The following C20orf96 variants were observed in gnomAD, a reference collection of about 807,000 sequenced individuals.
C20orf96 encodes chromosome 20 open reading frame 96, also known as uncharacterized protein C20orf96.
In C20orf96, 57 loss-of-function variants were observed where a neutral mutation model predicts 52.6. That is an observed-to-expected ratio of 1.08 (90% confidence interval 0.88 to 1.35). The LOEUF (loss-of-function observed/expected upper bound fraction) is 1.35, where lower values mean the gene tolerates loss of function less well. Among genes scored for constraint, C20orf96 ranks in the 40% most tolerant of loss-of-function variants. The pLI is 0.00. For missense variants in C20orf96, 478 were observed against 443.6 expected (o/e 1.08, Z -0.70); for synonymous variants, 168 against 157.2 (o/e 1.07, Z -0.51).
At chr20:283,845 C>A (rs911938163) in intron 4 of C20orf96, 118 bp downstream of exon 4, 1 of 738,630 alleles carries the variant, frequency 1.4e-6, no homozygotes, top group Non-Finnish European at 2.4e-6. Flanking sequence ...TCACACAGTT[C>A]CTGTGAGGAA....
At chr20:281,635 C>A (rs1674286179) in intron 4 of C20orf96, among the ~76,000 whole-genome samples, 1 of 152,208 alleles carries the variant, frequency 6.6e-6, no homozygotes, top group Admixed American at 6.5e-5. Flanking sequence ...CAGCACATCA[C>A]CCTCACAGCA....
At chr20:271,449 C>CAG (rs2011837005) in intron 10 of C20orf96, among the ~76,000 whole-genome samples, 182 bp from the exon 11 acceptor site, 2 of 68,160 alleles carry the variant, frequency 2.9e-5, no homozygotes, top group African/African-American at 1.9e-4. Flanking sequence ...AGCATACACA[C>CAG]ACACACACAC....
chr20:276,246 G>A (rs2012020409), intron 9 of C20orf96, 160 bp from the exon 10 acceptor site: 13 of 985,314 alleles, frequency 1.3e-5, no homozygotes, highest in South Asian at 4.7e-5. Context: ...CCCCATGCAA[G>A]GTGCGGCTGG....
intron 9 of C20orf96, 112 bp downstream of exon 9, chr20:276,681 C>G (rs2012034778): frequency 6.6e-7 from 1 of 1,510,436 alleles, no homozygotes; most frequent in South Asian, 1.3e-5. Context: ...ACACCAGAGT[C>G]AGAGACCTCC....
chr20:279,992 GC>G (rs1039813510), intron 4 of C20orf96, among the ~76,000 whole-genome samples: 2 of 151,824 alleles, frequency 1.3e-5, no homozygotes, highest in African/African-American at 2.4e-5. Flanking sequence ...AATAATAAAC[GC>G]CCCAGGTAGG....
rs1173221478 is a variant in C20orf96, at chr20:273,986, CAG to C, written c.1031+1980_1031+1981del. Among the ~76,000 whole-genome samples the C allele has an allele frequency of 2.9e-3, 364 of 125,712 alleles. 2 individuals are homozygous for C. The highest frequency in any genetic ancestry group is 0.01 in the African/African-American group (341 of 32,578). 82.5% of individuals were successfully genotyped at this position (125,712 alleles called of 152,430 possible). ...AAGAAAAAGAAAGAAAAGAGAAAGA[CAG>C]AGAGAGAAAGAAAGAAAGAAAAAGA... On this transcript the variant is annotated intron_variant, in intron 10 of 10. Coordinates refer to ENST00000360321, the MANE Select transcript of C20orf96 (RefSeq NM_153269.3).
intron 5 of C20orf96, among the ~76,000 whole-genome samples, chr20:278,841 G>C (rs1208510057): frequency 7.2e-6 from 1 of 138,896 alleles, no homozygotes; most frequent in Non-Finnish European, 1.5e-5. Context: ...CCAGGTGAGG[G>C]GAGTGAAGGG....
At chr20:277,734 G>A (rs1203088797) in intron 6 of C20orf96, among the ~76,000 whole-genome samples, 2 of 152,160 alleles carry the variant, frequency 1.3e-5, no homozygotes, top group African/African-American at 4.8e-5. Context: ...CAGGCAGATG[G>A]GGTGACAGTG....
At chr20:281,901 A>C (rs2012264223) in intron 4 of C20orf96, among the ~76,000 whole-genome samples, 1 of 152,180 alleles carries the variant, frequency 6.6e-6, no homozygotes, top group Non-Finnish European at 1.5e-5. Context: ...CGGAAGGTCC[A>C]GGCTGCAGTG....
rs1265706636 is a variant in C20orf96, at chr20:279,120, GA to G, written c.465+51del. 137 of 1,118,014 alleles carry G rather than the reference GA, an allele frequency of 1.2e-4. 6 individuals are homozygous for G. The African/African-American group carries it at 2.7e-3, about 22-fold the overall frequency. 69.3% of individuals were successfully genotyped at this position (1,118,014 alleles called of 1,614,324 possible). ...GGAGGGACGGAGGGAGGGAGGGAGG[GA>G]CGGAGGTTGGGACGGAGGGACGGAG... On this transcript the variant is annotated intron_variant, in intron 5 of 10. Transcript: ENST00000360321.
rs111974494 is a variant in C20orf96, at chr20:280,275, T to C, written c.307-945A>G. ...AGGTGCATAAAACCTACAGTAACAA[T>C]AACAACAACAATTGTACTCCCCTAA... On this transcript the variant is annotated intron_variant, in intron 4 of 10. Transcript: ENST00000360321. 5.4e-3 allele frequency among the ~76,000 whole-genome samples: 608 copies of C among 112,712 alleles called. 10 individuals are homozygous for C. Among genetic ancestry groups the C allele is most frequent in the Middle Eastern group, 0.015 (3 of 206 alleles). The allele number at this position is 112,712 out of a possible 152,430, so 73.9% of individuals were successfully genotyped here. A position where few individuals can be genotyped will look rare whatever the true frequency, so the allele number is the denominator to read the frequency against.
Position 277,068 on chromosome 20 carries a change from T to C in C20orf96, c.801A>G (p.Lys267=), listed in dbSNP as rs1033292143. Residue 267 remains lysine (K), a synonymous_variant, in exon 8 of 11, where the codon AAA becomes AAG. Transcript: ENST00000360321. The stretch of plus-strand genomic sequence containing the variant: ...CCGCCACCACAGAACTCAGAATTTT[T>C]TTCTTCTTCTTCTGAATCTTGTCAG... ...SLSDKIQKKK[K]KILSSVVAET... The C allele has an allele frequency of 6.2e-7, 1 of 1,613,490 alleles. No individual in the cohort carries two copies. Among genetic ancestry groups the C allele is most frequent in the Non-Finnish European group, 8.5e-7 (1 of 1,179,578 alleles).
chr20:283,918 C>A, intron 4 of C20orf96, 45 bp downstream of exon 4: 1 of 1,355,160 alleles, frequency 7.4e-7, no homozygotes, highest in South Asian at 1.2e-5. Flanking sequence ...CCATCATCCC[C>A]GTCCCTGTCC....
chr20:288,179 T>TCTTTTTCTTTTC (rs71191934), intron 3 of C20orf96, among the ~76,000 whole-genome samples: 11 of 135,136 alleles, frequency 8.1e-5, no homozygotes, highest in South Asian at 2.4e-4. Context: ...TTTTTCTTTT[T>TCTTTTTCTTTTC]TTTTTTTTTT....
chr20:286,882 C>A (rs1447154079), intron 3 of C20orf96, among the ~76,000 whole-genome samples: 1 of 152,176 alleles, frequency 6.6e-6, no homozygotes, highest in Admixed American at 6.5e-5. Context: ...TTTTGTGATC[C>A]CCAGAAGGTT....
chr20:282,966 A>AG (rs2012290416), intron 4 of C20orf96, among the ~76,000 whole-genome samples: 1 of 152,216 alleles, frequency 6.6e-6, no homozygotes, highest in Non-Finnish European at 1.5e-5. Flanking sequence ...AAAAGGTTAA[A>AG]GGGGAAAAAA....
Position 270,944 on chromosome 20 carries a change from C to A in C20orf96, c.*263G>T. ...TCCCACCTGGCCCAGCAGCACCAAC[C>A]AGAAAGAAGGGAAGAAGAGAGGAAA... On this transcript the variant is annotated 3_prime_UTR_variant, in exon 11 of 11. Coordinates refer to ENST00000360321, the MANE Select transcript of C20orf96 (RefSeq NM_153269.3). 1 of 480,398 alleles carries A rather than the reference C, an allele frequency of 2.1e-6. No individual in the cohort carries two copies. The highest frequency in any genetic ancestry group is 3.7e-6 in the Non-Finnish European group (1 of 272,916). 29.8% of individuals were successfully genotyped at this position (480,398 alleles called of 1,614,324 possible). A position where few individuals can be genotyped will look rare whatever the true frequency, so the allele number is the denominator to read the frequency against.
intron 3 of C20orf96, among the ~76,000 whole-genome samples, chr20:288,189 T>C (rs1361506196): frequency 6.9e-6 from 1 of 145,184 alleles, no homozygotes; most frequent in Non-Finnish European, 1.5e-5. Context: ...TTTTTTTTTT[T>C]TTTTTTTTGC....
rs752024310 is a variant in C20orf96, at chr20:279,337, G to C, written c.307-7C>G. The C allele has an allele frequency of 1.3e-6, 2 of 1,599,264 alleles. No homozygotes were observed. ...TCCCGCTCCTGAGCGAGGTCTGCGG[G>C]CGGAGGGAAGAGCAGAGAGGCGGCG... On this transcript the variant is annotated splice_polypyrimidine_tract_variant and splice_region_variant and intron_variant, in intron 4 of 10. Transcript: ENST00000360321.
Sources: allele counts gnomAD v4.1 joint callset (sites outside exome capture counted in the v4.1 genomes callset), GRCh38; gene constraint gnomAD v4.1.1; transcripts MANE v1.5; gene names NCBI Gene and HGNC (gene_info 2026-07-23, HGNC 2026-07-21).